Variants in NDUFAF5 observed in about 807,000 individuals in gnomAD.
The protein encoded by NDUFAF5 is arginine-hydroxylase NDUFAF5, mitochondrial.
In NDUFAF5, 34 loss-of-function variants were observed where a neutral mutation model predicts 48.9. That is an observed-to-expected ratio of 0.70 (90% confidence interval 0.53 to 0.93). NDUFAF5 has a LOEUF of 0.93. Among genes scored for constraint, NDUFAF5 ranks in the 40% least tolerant of loss-of-function variants. NDUFAF5 has a pLI of 0.00. For missense variants in NDUFAF5, 428 were observed against 427.5 expected, an observed-to-expected ratio of 1.00 and a Z score of -0.01; for synonymous variants, 153 against 150.6, an observed-to-expected ratio of 1.02 and a Z score of -0.12.
intron 8 of NDUFAF5, chr20:13,814,368 T>C: frequency 1.1e-6 from 1 of 929,226 alleles, no homozygotes; most frequent in Admixed American, 2.4e-5. Flanking sequence ...GTATTTTTTT[T>C]CTTAATGGTT....
intron 8 of NDUFAF5, chr20:13,814,068 T>A (rs554160535): frequency 4.8e-6 from 1 of 209,890 alleles, no homozygotes; most frequent in Non-Finnish European, 9.8e-6. Flanking sequence ...TGTTTGTTTG[T>A]TTTTTTTTAA....
chr20:13,799,276 A>C (rs114264971), intron 6 of NDUFAF5, among the ~76,000 whole-genome samples: 4 of 152,234 alleles, frequency 2.6e-5, no homozygotes, highest in Non-Finnish European at 4.4e-5. Context: ...TGACATCATT[A>C]TAAAGCTGGT....
intron 7 of NDUFAF5, among the ~76,000 whole-genome samples, chr20:13,802,036 G>A (rs1025288139): frequency 7.9e-5 from 12 of 152,166 alleles, no homozygotes; most frequent in Non-Finnish European, 1.6e-4. Flanking sequence ...GAAGAAAAGG[G>A]GATAAGTAGG....
intron 7 of NDUFAF5, among the ~76,000 whole-genome samples, chr20:13,808,192 T>C (rs1330805179): frequency 3.3e-5 from 5 of 152,094 alleles, no homozygotes; most frequent in African/African-American, 1.2e-4. Context: ...CCTCCTTTCT[T>C]TGGCCAAAAG....
chr20:13,786,269 T>C (rs1981098183), intron 1 of NDUFAF5, among the ~76,000 whole-genome samples: 1 of 152,200 alleles, frequency 6.6e-6, no homozygotes, highest in Non-Finnish European at 1.5e-5. Flanking sequence ...TGACAGGGTG[T>C]CTTTCTCAGG....
chr20:13,788,414 C>T (rs1981586062), intron 2 of NDUFAF5, among the ~76,000 whole-genome samples, 175 bp from the exon 3 acceptor site: 1 of 152,196 alleles, frequency 6.6e-6, no homozygotes, highest in African/African-American at 2.4e-5. Context: ...AGCAGACAGA[C>T]TTGCCTTGTA....
At chr20:13,814,762 CTT>C (rs1986269877) in intron 8 of NDUFAF5, among the ~76,000 whole-genome samples, 1 of 152,094 alleles carries the variant, frequency 6.6e-6, no homozygotes, top group African/African-American at 2.4e-5. Context: ...AGGTGTTACT[CTT>C]TTGTAGATGG....
intron 3 of NDUFAF5, among the ~76,000 whole-genome samples, chr20:13,790,966 G>A (rs1336806068): frequency 2.0e-5 from 3 of 152,152 alleles, no homozygotes; most frequent in Non-Finnish European, 4.4e-5. Context: ...TTTATTTGGT[G>A]TCTTTCTTCT....
chr20:13,789,499 A>G (rs74659703), intron 3 of NDUFAF5, among the ~76,000 whole-genome samples: 76 of 127,774 alleles, frequency 5.9e-4, no homozygotes, highest in Non-Finnish European at 1.0e-3. Flanking sequence ...TTTTTGAGAC[A>G]GAGTCTCGCT....
chr20:13,786,093 A>G (rs892376446), intron 1 of NDUFAF5, among the ~76,000 whole-genome samples: 3 of 152,228 alleles, frequency 2.0e-5, no homozygotes, highest in Non-Finnish European at 4.4e-5. Flanking sequence ...CAGGTGAGCC[A>G]GAGACTGAGG....
At position 13,789,617 on chromosome 20, in the gene NDUFAF5, A is replaced by C. The variant is rs188376603; in HGVS notation, c.327+965A>C. On this transcript the variant is annotated intron_variant, in intron 3 of 10. Transcript: ENST00000378106. ...CAGCCTCCCGAGTACCTGGGTCTACAGGTGCCCGCCACCACGCCTGGCTAA... is the reference window on the plus strand; with the variant it reads ...CAGCCTCCCGAGTACCTGGGTCTACCGGTGCCCGCCACCACGCCTGGCTAA... Among the ~76,000 whole-genome samples, 7 of 152,092 alleles carry C rather than the reference A, an allele frequency of 4.6e-5. No homozygotes were observed. The East Asian group carries it at 1.2e-3, about 25-fold the overall frequency.
intron 7 of NDUFAF5, chr20:13,803,037 G>A (rs1365311730): frequency 6.6e-5 from 10 of 152,244 alleles, no homozygotes; most frequent in Non-Finnish European, 1.3e-4. Context: ...TACATAATTA[G>A]AGATGATAAG....
At chr20:13,806,178 C>T (rs773614491) in intron 7 of NDUFAF5, among the ~76,000 whole-genome samples, 7 of 151,964 alleles carry the variant, frequency 4.6e-5, no homozygotes, top group African/African-American at 1.2e-4. Flanking sequence ...AGCTGATTTC[C>T]GTTTTAGAAC....
Position 13,817,890 on chromosome 20 carries a change from G to A in NDUFAF5, c.*680G>A, listed in dbSNP as rs1005456252. The A allele has an allele frequency of 4.4e-6, 2 of 454,004 alleles. No individual in the cohort carries two copies. The highest frequency in any genetic ancestry group is 8.8e-6 in the Non-Finnish European group (2 of 226,796). The allele number at this position is 454,004 out of a possible 1,614,324, so 28.1% of individuals were successfully genotyped here. On this transcript the variant is annotated 3_prime_UTR_variant, in exon 11 of 11. Coordinates refer to ENST00000378106, the MANE Select transcript of NDUFAF5 (RefSeq NM_024120.5). ...AATCCAAGTTCACAGTCCTGTTGTT[G>A]TCGAGGAGGGTTCAAAATCATTTGG...
chr20:13,818,638 T>C lies in NDUFAF5; in HGVS notation c.*1428T>C. On this transcript the variant is annotated 3_prime_UTR_variant, in exon 11 of 11. Transcript: ENST00000378106. The stretch of plus-strand genomic sequence containing the variant: ...AACCTGGGCAAAAGAGGAGACCTCA[T>C]CTAAAGAAAAATCCACCAAAAACCC... The C allele has an allele frequency of 5.6e-6, 1 of 177,542 alleles. No homozygotes were observed. Among genetic ancestry groups the C allele is most frequent in the Non-Finnish European group, 1.2e-5 (1 of 82,946 alleles). 11.0% of individuals were successfully genotyped at this position (177,542 alleles called of 1,614,324 possible).
rs1015995116 is a variant in NDUFAF5 at position 13,805,459 on chromosome 20, T to A, written c.718-3383T>A. 1.3e-5 allele frequency among the ~76,000 whole-genome samples: 2 copies of A among 152,192 alleles called. 1 individual carries two copies. The highest frequency in any genetic ancestry group is 4.1e-4 in the South Asian group (2 of 4,838). ...AATATAATTCAGAATACTATCCATA[T>A]TCTCTAAAAATGAGCCTAATGACTC... is the stretch of plus-strand genomic sequence containing the variant. On this transcript the variant is annotated intron_variant, in intron 7 of 10. Transcript: ENST00000378106.
intron 7 of NDUFAF5, among the ~76,000 whole-genome samples, chr20:13,804,915 G>A (rs1340068387): frequency 6.6e-6 from 1 of 152,144 alleles, no homozygotes; most frequent in Admixed American, 6.5e-5. Context: ...ATAAATGGAG[G>A]AAAGTACCCA....
chr20:13,796,723 A>G (rs1463824244), intron 5 of NDUFAF5, among the ~76,000 whole-genome samples: 1 of 152,188 alleles, frequency 6.6e-6, no homozygotes, highest in East Asian at 1.9e-4. Flanking sequence ...TCACGCCTAT[A>G]ATCCCAGCCC....
chr20:13,807,543 T>C (rs1350153842), intron 7 of NDUFAF5, among the ~76,000 whole-genome samples: 1 of 152,178 alleles, frequency 6.6e-6, no homozygotes, highest in Admixed American at 6.5e-5. Context: ...TTTTTTCCTA[T>C]AGACATGTAT....
Sources: allele counts gnomAD v4.1 joint callset (sites outside exome capture counted in the v4.1 genomes callset), GRCh38; gene constraint gnomAD v4.1.1; transcripts MANE v1.5; gene names NCBI Gene and HGNC (gene_info 2026-07-23, HGNC 2026-07-21).